Variants in SRGAP2 observed in about 807,000 individuals in gnomAD.
SRGAP2 encodes SLIT-ROBO Rho GTPase-activating protein 2.
In SRGAP2, 15 loss-of-function variants were observed where a neutral mutation model predicts 57.2. The ratio of observed to expected loss-of-function variants is 0.26; its 90% CI spans 0.18 to 0.40. The LOEUF is 0.40. Among genes scored for constraint, SRGAP2 ranks in the 10% least tolerant of loss-of-function variants. The pLI is 1.00. For missense variants in SRGAP2, 520 were observed against 669.6 expected, an observed-to-expected ratio of 0.78 and a Z score of 2.47; for synonymous variants, 249 against 248.0, an observed-to-expected ratio of 1.00 and a Z score of -0.04.
At chr1:206,269,305 C>CT (rs1213503349) in intron 2 of SRGAP2, among the ~76,000 whole-genome samples, 1 of 122,004 alleles carries the variant, frequency 8.2e-6, no homozygotes, top group African/African-American at 3.4e-5. Flanking sequence ...CATGGTCACC[C>CT]TTATGGAAGG....
At chr1:206,441,210 T>A (rs1662266475) in intron 17 of SRGAP2, among the ~76,000 whole-genome samples, 1 of 152,122 alleles carries the variant, frequency 6.6e-6, no homozygotes, top group African/African-American at 2.4e-5. Context: ...TTTGAGGCAC[T>A]TGTGAGATGT....
chr1:206,241,039 C>G (rs1668192353), intron 2 of SRGAP2, among the ~76,000 whole-genome samples: 1 of 152,162 alleles, frequency 6.6e-6, no homozygotes, highest in African/African-American at 2.4e-5. Context: ...TAAAAATTAG[C>G]TGGACTTGGT....
intron 2 of SRGAP2, among the ~76,000 whole-genome samples, chr1:206,229,644 C>G (rs1183179507): frequency 6.6e-6 from 1 of 152,092 alleles, no homozygotes; most frequent in Non-Finnish European, 1.5e-5. Context: ...AAGGACTCTT[C>G]AGCAATTAAC....
intron 3 of SRGAP2, among the ~76,000 whole-genome samples, chr1:206,313,968 G>T (rs1337918081): frequency 2.6e-5 from 4 of 151,814 alleles, no homozygotes; most frequent in African/African-American, 4.9e-5. Flanking sequence ...AGGAATTGCT[G>T]ACTGATGGGA....
At chr1:206,283,732 G>C (rs1244524559) in intron 2 of SRGAP2, among the ~76,000 whole-genome samples, 2 of 146,682 alleles carry the variant, frequency 1.4e-5, no homozygotes, top group Non-Finnish European at 3.0e-5. Context: ...ACCCCCTCAG[G>C]AATTTAAAAA....
intron 2 of SRGAP2, among the ~76,000 whole-genome samples, chr1:206,226,804 G>A (rs111738441): frequency 0.013 from 1,906 of 152,206 alleles, 21 homozygotes; most frequent in Middle Eastern, 0.027. Context: ...GTGAAATGAC[G>A]TGCCATGTTA....
At chr1:206,306,731 A>C (rs1571806582) in intron 3 of SRGAP2, among the ~76,000 whole-genome samples, 1 of 152,188 alleles carries the variant, frequency 6.6e-6, no homozygotes, top group South Asian at 2.1e-4. Context: ...AGTTAGATAC[A>C]GAGTTTTGAC....
chr1:206,435,635 G>A (rs1661661143), intron 14 of SRGAP2, among the ~76,000 whole-genome samples: 1 of 152,220 alleles, frequency 6.6e-6, no homozygotes, highest in South Asian at 2.1e-4. Flanking sequence ...GAAGCCTGGT[G>A]TTGAGGACTG....
chr1:206,455,017 A>C lies in SRGAP2; in HGVS notation c.2500A>C (p.Ile834Leu). The C allele has an allele frequency of 1.3e-6, 1 of 780,910 alleles. No homozygotes were observed. The highest frequency in any genetic ancestry group is 2.4e-5 in the East Asian group (1 of 41,252). The allele number at this position is 780,910 out of a possible 1,614,324, so 48.4% of individuals were successfully genotyped here. A position where few individuals can be genotyped will look rare whatever the true frequency, so the allele number is the denominator to read the frequency against. The change falls in exon 21 of 23, where the codon ATC (isoleucine) becomes CTC (leucine). Residue 834 changes from isoleucine (I) to leucine (L), a missense_variant. Transcript: ENST00000573034. ...GHVADIYLAN[I>L]NKQRKRPESG... ...TGTAGCCGATATTTATCTTGCAAAC[A>C]TCAACAAGTAAGCTCTGCTTTTCAT...
chr1:206,298,648 A>G (rs1671714596), intron 2 of SRGAP2, among the ~76,000 whole-genome samples: 5 of 152,188 alleles, frequency 3.3e-5, no homozygotes, highest in Admixed American at 3.3e-4. Flanking sequence ...TCTGCATGAA[A>G]TATCAACCAG....
intron 4 of SRGAP2, among the ~76,000 whole-genome samples, chr1:206,372,993 CTTTCTTTCTTTCT>C (rs1654805313): frequency 2.7e-4 from 26 of 95,624 alleles, no homozygotes; most frequent in African/African-American, 1.1e-3. Context: ...TTCTTTCTTT[CTTTCTTTCTTTCT>C]TTCTTTCTTT....
intron 2 of SRGAP2, among the ~76,000 whole-genome samples, chr1:206,272,423 C>T (rs1485852369): frequency 2.6e-5 from 4 of 151,568 alleles, no homozygotes; most frequent in African/African-American, 7.3e-5. Flanking sequence ...TTTCATTTTT[C>T]TCTTTTTTGA....
intron 3 of SRGAP2, chr1:206,333,417 A>C: frequency 2.3e-6 from 3 of 1,324,440 alleles, no homozygotes; most frequent in Non-Finnish European, 3.3e-6. Context: ...AGCTTCTTCA[A>C]GGTATCACTG....
intron 3 of SRGAP2, among the ~76,000 whole-genome samples, chr1:206,319,290 C>A (rs199950049): frequency 0.079 from 10,794 of 136,010 alleles, 1,010 homozygotes; most frequent in African/African-American, 0.25. Flanking sequence ...GGGTGCCTGT[C>A]GTCCCACCTA....
intron 3 of SRGAP2, among the ~76,000 whole-genome samples, chr1:206,321,752 C>A (rs1374495010): frequency 6.7e-6 from 1 of 149,682 alleles, no homozygotes; most frequent in East Asian, 2.0e-4. Context: ...TATATTTGGC[C>A]AATGGAGTCC....
At position 206,454,124 on chromosome 1, in the gene SRGAP2, CTTAATATTATTTT is replaced by C. The variant is rs2103400560; in HGVS notation, c.2360+749_2361-737del. 1 of 702,522 alleles carries C rather than the reference CTTAATATTATTTT, an allele frequency of 1.4e-6. No individual in the cohort carries two copies. Among genetic ancestry groups the C allele is most frequent in the Admixed American group, 2.0e-5 (1 of 50,004 alleles). 43.5% of individuals were successfully genotyped at this position (702,522 alleles called of 1,614,324 possible). On this transcript the variant is annotated intron_variant, in intron 20 of 22. Coordinates refer to ENST00000573034, the MANE Select transcript of SRGAP2 (RefSeq NM_015326.5). This position sits in a 1 kb window ranked among gnomAD's most constrained non-coding sequence, Gnocchi z 4.3. ...TGCTGTCAGTGTTTTTAGTCCTTCC[CTTAATATTATTTT>C]TTAAAGGTTGATATCCTGAGTGAGT... is the stretch of plus-strand genomic sequence containing the variant.
intron 11 of SRGAP2, among the ~76,000 whole-genome samples, chr1:206,416,211 C>T (rs1306868912): frequency 6.6e-6 from 1 of 152,178 alleles, no homozygotes; most frequent in Non-Finnish European, 1.5e-5. Flanking sequence ...TGGAGCGTGC[C>T]TGCTCTCCAC....
intron 14 of SRGAP2, among the ~76,000 whole-genome samples, chr1:206,433,001 A>T (rs1553368828): frequency 6.6e-6 from 1 of 152,202 alleles, no homozygotes; most frequent in African/African-American, 2.4e-5. Flanking sequence ...CATTGGAAGT[A>T]TTTCTCCTGA....
rs1164104583 is a variant in SRGAP2 at position 206,454,638 on chromosome 1, C to CCTGAGGAG, written c.2361-230_2361-223dup. Reference sequence around the variant, plus strand: ...TCCAGGTGTCCCCTAGCCACGCTTTCCTGAGGAGCTGAGGAGCCCGCAGAA... The same window carrying CCTGAGGAG: ...TCCAGGTGTCCCCTAGCCACGCTTTCCTGAGGAGCTGAGGAGCTGAGGAGCCCGCAGAA... On this transcript the variant is annotated intron_variant, in intron 20 of 22. Transcript: ENST00000573034. This position sits in a 1 kb window ranked among gnomAD's most constrained non-coding sequence, Gnocchi z 4.3. 1 of 498,422 alleles carries CCTGAGGAG rather than the reference C, an allele frequency of 2.0e-6. No homozygotes were observed. Among genetic ancestry groups the CCTGAGGAG allele is most frequent in the Admixed American group, 3.8e-5 (1 of 26,442 alleles). The allele number at this position is 498,422 out of a possible 1,614,324, so 30.9% of individuals were successfully genotyped here.
Sources: gnomAD v4.1 joint callset for allele counts (sites outside exome capture counted in the v4.1 genomes callset) on GRCh38, gnomAD v4.1.1 for gene constraint, Gnocchi (gnomAD v3.1) non-coding constraint, MANE v1.5 for transcripts, NCBI Gene and HGNC (gene_info 2026-07-23, HGNC 2026-07-21) for gene names.